The following COL5A2 variants were observed in gnomAD, a reference collection of about 807,000 sequenced individuals.
COL5A2 encodes the protein collagen alpha-2(V) chain.
A neutral mutation model predicts 208.2 loss-of-function variants in COL5A2; 23 were observed. The observed-to-expected ratio is 0.11, with a 90% confidence interval of 0.08 to 0.16. COL5A2 has a LOEUF of 0.16. COL5A2 is among the 10% of genes least tolerant of loss of function. The pLI is 1.00. For missense variants in COL5A2, 1,590 were observed against 1,956.4 expected (o/e 0.81, Z 3.53); for synonymous variants, 625 against 628.5 (o/e 0.99, Z 0.08).
the COL5A2 span, among the ~76,000 whole-genome samples, chr2:189,395,811 G>C: frequency 6.8e-6 from 1 of 146,084 alleles, no homozygotes; most frequent in Non-Finnish European, 1.5e-5. Context: ...GGGAGGCTGA[G>C]TGAGGCAGGT....
At chr2:189,434,934 A>G in the COL5A2 span, among the ~76,000 whole-genome samples, 1 of 152,338 alleles carries the variant, frequency 6.6e-6, no homozygotes, top group South Asian at 2.1e-4. Context: ...CTATACTACA[A>G]GGCTACAGTA....
upstream of COL5A2, among the ~76,000 whole-genome samples, chr2:189,228,796 T>G (rs1689447930): frequency 1.3e-5 from 2 of 151,816 alleles, no homozygotes; most frequent in African/African-American, 4.8e-5. Flanking sequence ...AAGGAACACT[T>G]TGAAACCCGT....
At chr2:189,309,113 T>C in the COL5A2 span, among the ~76,000 whole-genome samples, 12 of 152,204 alleles carry the variant, frequency 7.9e-5, no homozygotes, top group African/African-American at 2.9e-4. Context: ...GAATAGGGCA[T>C]GAGAGGGTCT....
intron 1 of COL5A2, among the ~76,000 whole-genome samples, chr2:189,210,236 A>G (rs1188096468): frequency 6.6e-6 from 1 of 152,180 alleles, no homozygotes; most frequent in Non-Finnish European, 1.5e-5. Context: ...AGAGGAAAAA[A>G]GGAAATAAAG....
At chr2:189,407,934 T>C in the COL5A2 span, among the ~76,000 whole-genome samples, 1 of 152,190 alleles carries the variant, frequency 6.6e-6, no homozygotes, top group African/African-American at 2.4e-5. Flanking sequence ...GCAGCTTAAA[T>C]TCCAGACCTC....
At chr2:189,107,800 A>G (rs1276906773) in intron 2 of COL5A2, among the ~76,000 whole-genome samples, 1 of 151,694 alleles carries the variant, frequency 6.6e-6, no homozygotes, top group Non-Finnish European at 1.5e-5. Context: ...CTGCTAAATT[A>G]TGTTAACATT....
At chr2:189,215,801 C>T (rs915754810) in intron 1 of COL5A2, among the ~76,000 whole-genome samples, 5 of 152,064 alleles carry the variant, frequency 3.3e-5, no homozygotes, top group Non-Finnish European at 5.9e-5. Flanking sequence ...CTACCTCTTT[C>T]GCCTATTCTA....
At chr2:189,171,631 C>G (rs1387806364) in intron 1 of COL5A2, among the ~76,000 whole-genome samples, 1 of 152,134 alleles carries the variant, frequency 6.6e-6, no homozygotes, top group Non-Finnish European at 1.5e-5. Flanking sequence ...GCAAAATGAC[C>G]AAGTCTTGAA....
chr2:189,299,331 C>T, the COL5A2 span, among the ~76,000 whole-genome samples: 57 of 152,192 alleles, frequency 3.7e-4, no homozygotes, highest in African/African-American at 1.1e-3. Flanking sequence ...ATTGCGTTAA[C>T]GCTATCATTT....
intron 47 of COL5A2, among the ~76,000 whole-genome samples, chr2:189,043,729 C>A (rs1246005959): frequency 6.6e-6 from 1 of 152,160 alleles, no homozygotes; most frequent in African/African-American, 2.4e-5. Context: ...CTGGCTATGA[C>A]AGCTGCAACT....
intron 1 of COL5A2, among the ~76,000 whole-genome samples, chr2:189,211,325 C>A (rs890551706): frequency 4.6e-5 from 7 of 152,184 alleles, no homozygotes; most frequent in Non-Finnish European, 8.8e-5. Context: ...ACCAAACTCT[C>A]CAACAACCAG....
intron 1 of COL5A2, among the ~76,000 whole-genome samples, chr2:189,114,698 G>T (rs1687354171): frequency 6.6e-6 from 1 of 151,424 alleles, no homozygotes. Flanking sequence ...AGTAGGGTGG[G>T]GTTGCGGGAG....
chr2:189,262,371 GCA>G, the COL5A2 span, among the ~76,000 whole-genome samples: 20 of 149,950 alleles, frequency 1.3e-4, no homozygotes, highest in East Asian at 1.4e-3. Context: ...ACACATACAT[GCA>G]CACACACACA....
chr2:189,154,752 G>T (rs537313507), intron 1 of COL5A2, among the ~76,000 whole-genome samples: 2 of 151,930 alleles, frequency 1.3e-5, no homozygotes, highest in African/African-American at 4.8e-5. Context: ...GTGAGCCACC[G>T]TGCTGTCCAA....
chr2:189,066,888 C>A (rs559527853), intron 21 of COL5A2, 106 bp from the exon 22 acceptor site: 14 of 865,448 alleles, frequency 1.6e-5, no homozygotes, highest in Non-Finnish European at 2.2e-5. Flanking sequence ...CCAGCTGAGT[C>A]GGTTTTGCAT....
intron 7 of COL5A2, among the ~76,000 whole-genome samples, chr2:189,089,771 G>A (rs1436577484): frequency 1.3e-5 from 2 of 152,048 alleles, no homozygotes; most frequent in Admixed American, 1.3e-4. Context: ...TGTGTTCAGT[G>A]ATCTTGATGT....
intron 1 of COL5A2, among the ~76,000 whole-genome samples, chr2:189,174,666 G>A (rs1042414718): frequency 6.6e-6 from 1 of 152,084 alleles, no homozygotes; most frequent in Non-Finnish European, 1.5e-5. Flanking sequence ...GAAAGTAGAG[G>A]GGTCTAGAAT....
chr2:189,093,077 T>G (rs72906322), intron 6 of COL5A2, among the ~76,000 whole-genome samples: 20,146 of 152,138 alleles, frequency 0.13, 1,352 homozygotes, highest in Middle Eastern at 0.18. Context: ...GCAAAGGCAC[T>G]GTGACCCAGC....
the COL5A2 span, among the ~76,000 whole-genome samples, chr2:189,383,523 T>C: frequency 2.0e-5 from 3 of 152,192 alleles, no homozygotes; most frequent in African/African-American, 7.2e-5. Flanking sequence ...GTTCTAAAAA[T>C]ACTAAGATAA....
Sources: gnomAD v4.1 joint callset for allele counts (sites outside exome capture counted in the v4.1 genomes callset) on GRCh38, gnomAD v4.1.1 for gene constraint, MANE v1.5 for transcripts, NCBI Gene and HGNC (gene_info 2026-07-23, HGNC 2026-07-21) for gene names.